NSD3: variants seen among roughly 807,000 people sequenced by gnomAD.
NSD3 encodes nuclear receptor binding SET domain protein 3.
In NSD3, 24 loss-of-function variants were observed where a neutral mutation model predicts 160.8. The observed-to-expected ratio is 0.15, with a 90% CI of 0.11 to 0.21. The LOEUF (loss-of-function observed/expected upper bound fraction) is 0.21, where lower values mean the gene tolerates loss of function less well. Among genes scored for constraint, NSD3 ranks in the 10% least tolerant of loss-of-function variants. The pLI is 1.00. For synonymous variants in NSD3, 520 were observed against 600.0 expected (o/e 0.87, Z 1.95); for missense variants, 1,157 against 1,735.9 (o/e 0.67, Z 5.93).
intron 1 of NSD3, among the ~76,000 whole-genome samples, chr8:38,366,110 CA>C (rs757397268): frequency 0.011 from 507 of 44,338 alleles, 1 homozygote; most frequent in African/African-American, 0.018. Context: ...GACTCTGTCT[CA>C]AAAAAAAAAA....
In NSD3 at chr8:38,348,032, G is replaced by A. The variant is rs1208493595; in HGVS notation, c.140C>T (p.Thr47Ile). ...TTGCTGCAAAGTAGCTTCATATGGT[G>A]TCTGGCCACCATCTTCAGCAATGTC... ...NSDIAEDGGQ[T>I]PYEATLQQGF... The change falls in exon 2 of 24, where the codon ACA becomes ATA. Residue 47 changes from threonine to isoleucine, a missense_variant. Transcript: ENST00000317025. The A allele has an allele frequency of 1.9e-6, 3 of 1,614,216 alleles. No homozygotes were observed. Among genetic ancestry groups the A allele is most frequent in the Non-Finnish European group, 2.5e-6 (3 of 1,180,052 alleles).
chr8:38,316,096 A>AT lies in NSD3; in HGVS notation c.1856-55dup. ...AAAATAGTACTTAAGGTTTGTTTTA[A>AT]TTTTTTTGTGTGTGGGAGAATATTT... On this transcript the variant is annotated intron_variant, in intron 9 of 23. Transcript: ENST00000317025. This position sits in a 1 kb window ranked among gnomAD's most constrained non-coding sequence, Gnocchi z 4.5. 6.3e-7 allele frequency: 1 copy of AT among 1,592,766 alleles called. No homozygotes were observed. Among genetic ancestry groups the AT allele is most frequent in the Non-Finnish European group, 8.5e-7 (1 of 1,170,800 alleles).
At chr8:38,305,019 C>T (rs1021461123) in intron 13 of NSD3, among the ~76,000 whole-genome samples, 4 of 152,180 alleles carry the variant, frequency 2.6e-5, no homozygotes, top group Admixed American at 1.3e-4. Context: ...TGGCACCTAC[C>T]TGAAGGACTT....
At position 38,351,861 on chromosome 8, in the gene NSD3, G is replaced by A. The variant is rs577021990; in HGVS notation, c.-44-3646C>T. Among the ~76,000 whole-genome samples, 225 of 151,828 alleles carry A rather than the reference G, an allele frequency of 1.5e-3. 2 individuals carry two copies. Among genetic ancestry groups the A allele is most frequent in the South Asian group, 5.6e-3 (27 of 4,788 alleles). On this transcript the variant is annotated intron_variant, in intron 1 of 23. Transcript: ENST00000317025. ...ACAGGAAGGGGAACATCACACACCG[G>A]GGCCTGTTGTGGGGTGGGGGGAGTG... is the stretch of plus-strand genomic sequence containing the variant.
At chr8:38,380,246 T>A (rs1252661087) in intron 1 of NSD3, among the ~76,000 whole-genome samples, 7 of 152,202 alleles carry the variant, frequency 4.6e-5, no homozygotes, top group Non-Finnish European at 7.3e-5. Flanking sequence ...TCATCACCTA[T>A]AAGCAAGAGC....
chr8:38,343,800 C>T (rs745380255), intron 2 of NSD3, among the ~76,000 whole-genome samples: 1 of 152,182 alleles, frequency 6.6e-6, no homozygotes, highest in Non-Finnish European at 1.5e-5. Context: ...TACTCTGAGG[C>T]TAGAGAACCA....
intron 1 of NSD3, among the ~76,000 whole-genome samples, chr8:38,369,787 T>C (rs569831978): frequency 6.7e-6 from 1 of 150,164 alleles, no homozygotes; most frequent in East Asian, 1.9e-4. Flanking sequence ...GTTTTGTTTT[T>C]TGTTTTTGTT....
At chr8:38,281,152 C>G (rs899657223) in intron 20 of NSD3, among the ~76,000 whole-genome samples, 2 of 152,132 alleles carry the variant, frequency 1.3e-5, no homozygotes, top group African/African-American at 4.8e-5. Context: ...TGATTCTCTC[C>G]TTCAGTAATA....
At position 38,327,941 on chromosome 8, in the gene NSD3, C is replaced by A. The variant is rs145669723; in HGVS notation, c.1582-1085G>T. The stretch of plus-strand genomic sequence containing the variant: ...TTTTGGCCAGGCACCGTGGCTCCTG[C>A]CTGTAATCTCAACACTTTGGGAGAC... On this transcript the variant is annotated intron_variant, in intron 6 of 23. Transcript: ENST00000317025. Among the ~76,000 whole-genome samples the A allele has an allele frequency of 9.9e-5, 15 of 152,284 alleles. No individual in the cohort carries two copies. The East Asian group carries it at 2.7e-3, about 27-fold the overall frequency.
At chr8:38,303,925 A>G (rs1809334459) in intron 14 of NSD3, among the ~76,000 whole-genome samples, 1 of 152,232 alleles carries the variant, frequency 6.6e-6, no homozygotes, top group Non-Finnish European at 1.5e-5. Context: ...ACATTCAACT[A>G]AAGAAGTTTG....
In NSD3 at chr8:38,307,133, AT is replaced by A. The variant is rs199978154; in HGVS notation, c.2243-1689del. On this transcript the variant is annotated intron_variant, in intron 12 of 23. Coordinates refer to ENST00000317025, the MANE Select transcript of NSD3 (RefSeq NM_023034.2). ...CCGTCTCAAAAAAAAAAAAAATAAA[AT>A]AAAATAAATAAATAAATAAATAAAT... Among the ~76,000 whole-genome samples the A allele has an allele frequency of 5.2e-3, 583 of 112,520 alleles. 2 individuals carry two copies. The highest frequency in any genetic ancestry group is 0.021 in the Middle Eastern group (5 of 236). 73.8% of individuals were successfully genotyped at this position (112,520 alleles called of 152,430 possible).
At chr8:38,311,618 A>G (rs1809537902) in intron 12 of NSD3, among the ~76,000 whole-genome samples, 1 of 152,026 alleles carries the variant, frequency 6.6e-6, no homozygotes, top group Non-Finnish European at 1.5e-5. Context: ...AAGCCACCAC[A>G]CCTGGCTTGA....
chr8:38,316,823 CTG>C lies in NSD3; in HGVS notation c.1856-783_1856-782del, dbSNP rs1809678255. ...TAGTGTGGAATTGTTTTTTTTAAAA[CTG>C]TGTGTAATACAAATCCAGCCAAAAC... is the stretch of plus-strand genomic sequence containing the variant. On this transcript the variant is annotated intron_variant, in intron 9 of 23. Transcript: ENST00000317025. The surrounding 1 kb of genome is among the most constrained non-coding windows in gnomAD (Gnocchi z 4.5). 9.4e-6 allele frequency: 10 copies of C among 1,061,174 alleles called. No individual in the cohort carries two copies. In the South Asian group the frequency reaches 4.1e-4, roughly 44 times the overall value. The allele number at this position is 1,061,174 out of a possible 1,614,324, so 65.7% of individuals were successfully genotyped here.
rs955021871 is a variant in NSD3 at position 38,321,241 on chromosome 8, T to C, written c.1709-69A>G. 4 of 1,272,036 alleles carry C rather than the reference T, an allele frequency of 3.1e-6. No individual in the cohort carries two copies. The highest frequency in any genetic ancestry group is 4.4e-6 in the Non-Finnish European group (4 of 912,788). The allele number at this position is 1,272,036 out of a possible 1,614,324, so 78.8% of individuals were successfully genotyped here. On this transcript the variant is annotated intron_variant, in intron 7 of 23. Coordinates refer to ENST00000317025, the MANE Select transcript of NSD3 (RefSeq NM_023034.2). This position sits in a 1 kb window ranked among gnomAD's most constrained non-coding sequence, Gnocchi z 4.7. ...TACCTTGACATCTATGTAATTAAGATATGACCACATTCCTTGCTTTTCTTA... is the reference window on the plus strand; with the variant it reads ...TACCTTGACATCTATGTAATTAAGACATGACCACATTCCTTGCTTTTCTTA...
At position 38,327,954 on chromosome 8, in the gene NSD3, C is replaced by T. The variant is rs559896790; in HGVS notation, c.1582-1098G>A. Among the ~76,000 whole-genome samples the T allele has an allele frequency of 2.6e-5, 4 of 152,270 alleles. No individual in the cohort carries two copies. The East Asian group carries it at 5.8e-4, about 22-fold the overall frequency. On this transcript the variant is annotated intron_variant, in intron 6 of 23. Coordinates refer to ENST00000317025, the MANE Select transcript of NSD3 (RefSeq NM_023034.2). ...CCGTGGCTCCTGCCTGTAATCTCAA[C>T]ACTTTGGGAGACTGAGGCAGGAGAA...
chr8:38,281,598 G>C lies in NSD3; in HGVS notation c.3502-15C>G. ...ACAAATTCACCCTGGAGATAAATGT[G>C]CAATATGTAACTTAAAATCAGTGTA... is the stretch of plus-strand genomic sequence containing the variant. On this transcript the variant is annotated splice_polypyrimidine_tract_variant and intron_variant, in intron 19 of 23. Coordinates refer to ENST00000317025, the MANE Select transcript of NSD3 (RefSeq NM_023034.2). 6.5e-7 allele frequency: 1 copy of C among 1,545,074 alleles called. No homozygotes were observed. The highest frequency in any genetic ancestry group is 8.9e-7 in the Non-Finnish European group (1 of 1,128,156).
At position 38,319,165 on chromosome 8, in the gene NSD3, G is replaced by A; in HGVS notation, c.1810-225C>T. On this transcript the variant is annotated intron_variant, in intron 8 of 23. Transcript: ENST00000317025. This position sits in a 1 kb window ranked among gnomAD's most constrained non-coding sequence, Gnocchi z 4.1. ...ATCAAGTGACAACACACAGCCACATGCTCTCTAGCAAAGACTTTTCCCACC... is the reference window on the plus strand; with the variant it reads ...ATCAAGTGACAACACACAGCCACATACTCTCTAGCAAAGACTTTTCCCACC... 1 of 491,802 alleles carries A rather than the reference G, an allele frequency of 2.0e-6. No individual in the cohort carries two copies. 30.5% of individuals were successfully genotyped at this position (491,802 alleles called of 1,614,324 possible). A position where few individuals can be genotyped will look rare whatever the true frequency, so the allele number is the denominator to read the frequency against.
chr8:38,357,421 T>C (rs1244430770), intron 1 of NSD3, among the ~76,000 whole-genome samples: 3 of 152,196 alleles, frequency 2.0e-5, no homozygotes, highest in Non-Finnish European at 4.4e-5. Context: ...TTTTGTACTC[T>C]AGTAATATAA....
chr8:38,333,347 T>C (rs151073935), intron 4 of NSD3, among the ~76,000 whole-genome samples: 93 of 152,298 alleles, frequency 6.1e-4, no homozygotes, highest in Middle Eastern at 3.4e-3. Flanking sequence ...CCTGGAAAAC[T>C]ATGAAATAAG....
Sources: gnomAD v4.1 joint callset for allele counts (sites outside exome capture counted in the v4.1 genomes callset) on GRCh38, gnomAD v4.1.1 for gene constraint, Gnocchi (gnomAD v3.1) non-coding constraint, MANE v1.5 for transcripts, NCBI Gene and HGNC (gene_info 2026-07-23, HGNC 2026-07-21) for gene names.